The following THSD7A variants were observed in gnomAD, a reference collection of about 807,000 sequenced individuals.
THSD7A encodes thrombospondin type 1 domain containing 7A.
In THSD7A, 96 loss-of-function variants were observed where a neutral mutation model predicts 231.3. That is an observed-to-expected ratio of 0.41 (90% confidence interval 0.35 to 0.49). The LOEUF (loss-of-function observed/expected upper bound fraction) is 0.49, where lower values mean the gene tolerates loss of function less well. Ranked by LOEUF, THSD7A falls within the 20% of genes least tolerant of loss-of-function variation. THSD7A has a pLI of 0.05. For missense variants in THSD7A, 2,290 were observed against 2,070.2 expected (o/e 1.11, Z -2.06); for synonymous variants, 940 against 743.3 (o/e 1.26, Z -4.30).
chr7:11,550,401 C>A (rs1789577836), intron 4 of THSD7A, among the ~76,000 whole-genome samples: 2 of 151,928 alleles, frequency 1.3e-5, no homozygotes, highest in East Asian at 3.9e-4. Flanking sequence ...TTCTGTGTCC[C>A]CACCCAAATC....
intron 17 of THSD7A, among the ~76,000 whole-genome samples, chr7:11,414,911 C>CTGAT (rs1268780504): frequency 3.3e-5 from 5 of 152,214 alleles, no homozygotes; most frequent in South Asian, 4.1e-4. Flanking sequence ...AACACCGTTA[C>CTGAT]TGATAGACAG....
chr7:11,701,427 T>G (rs1176716331), intron 1 of THSD7A, among the ~76,000 whole-genome samples: 2 of 151,274 alleles, frequency 1.3e-5, no homozygotes, highest in African/African-American at 4.8e-5. Context: ...ATCCTTGAAT[T>G]TTTGTGTACC....
At chr7:11,823,522 T>C (rs968640183) in intron 1 of THSD7A, among the ~76,000 whole-genome samples, 8 of 152,146 alleles carry the variant, frequency 5.3e-5, no homozygotes, top group East Asian at 1.9e-4. Flanking sequence ...AGAGATTGCA[T>C]TGAATCTGTA....
At chr7:11,420,016 G>A (rs1426492001) in intron 16 of THSD7A, among the ~76,000 whole-genome samples, 1 of 152,066 alleles carries the variant, frequency 6.6e-6, no homozygotes, top group African/African-American at 2.4e-5. Flanking sequence ...TAGCTTATTT[G>A]GATAAACAAG....
At chr7:11,671,593 T>C (rs528666944) in intron 1 of THSD7A, among the ~76,000 whole-genome samples, 1 of 152,170 alleles carries the variant, frequency 6.6e-6, no homozygotes, top group South Asian at 2.1e-4. Context: ...CATAAAATAA[T>C]CTTTGTTGTT....
chr7:11,751,011 C>T (rs1191587231), intron 1 of THSD7A: 2 of 151,960 alleles, frequency 1.3e-5, no homozygotes, highest in Non-Finnish European at 2.9e-5. Flanking sequence ...GGTCTGCATC[C>T]CACCACATAA....
chr7:11,507,174 G>C (rs1787580312), intron 6 of THSD7A, among the ~76,000 whole-genome samples: 1 of 152,196 alleles, frequency 6.6e-6, no homozygotes, highest in Non-Finnish European at 1.5e-5. Context: ...GAGCAATTTA[G>C]AAGAGCTCGA....
At chr7:11,724,074 T>C (rs755550820) in intron 1 of THSD7A, among the ~76,000 whole-genome samples, 6 of 151,912 alleles carry the variant, frequency 3.9e-5, no homozygotes, top group Admixed American at 2.6e-4. Context: ...GGTGATTAGT[T>C]GTGTGATTGG....
intron 1 of THSD7A, among the ~76,000 whole-genome samples, chr7:11,756,157 T>C (rs1013483291): frequency 2.0e-5 from 3 of 152,150 alleles, no homozygotes; most frequent in Admixed American, 2.0e-4. Flanking sequence ...TTTCTCTTTC[T>C]GTCCCTTCCA....
intron 1 of THSD7A, among the ~76,000 whole-genome samples, chr7:11,808,956 T>C (rs1025399663): frequency 2.6e-5 from 4 of 152,116 alleles, no homozygotes; most frequent in Non-Finnish European, 5.9e-5. Context: ...ATACATACCA[T>C]TAAAATATAT....
chr7:11,655,543 G>T (rs1782671725), intron 1 of THSD7A, among the ~76,000 whole-genome samples: 1 of 151,746 alleles, frequency 6.6e-6, no homozygotes, highest in Non-Finnish European at 1.5e-5. Context: ...TAAGACTCTT[G>T]TCTTAACATT....
chr7:11,376,026 G>C, intron 27 of THSD7A, 148 bp from the exon 28 acceptor site: 1 of 666,458 alleles, frequency 1.5e-6, no homozygotes, highest in South Asian at 1.9e-5. Context: ...CTTAGAATTT[G>C]ATTTTCTGAT....
chr7:11,437,087 G>C (rs1784656856), intron 13 of THSD7A, among the ~76,000 whole-genome samples: 1 of 152,082 alleles, frequency 6.6e-6, no homozygotes, highest in African/African-American at 2.4e-5. Flanking sequence ...CTGAAGGAAA[G>C]CCAAATAAGG....
At chr7:11,715,467 A>G (rs1420244325) in intron 1 of THSD7A, among the ~76,000 whole-genome samples, 1 of 151,558 alleles carries the variant, frequency 6.6e-6, no homozygotes, top group Non-Finnish European at 1.5e-5. Context: ...TTAACTGCTA[A>G]CAAGTGTTTA....
At chr7:11,456,819 G>A (rs1443716418) in intron 11 of THSD7A, among the ~76,000 whole-genome samples, 2 of 151,958 alleles carry the variant, frequency 1.3e-5, no homozygotes, top group African/African-American at 4.8e-5. Flanking sequence ...TAGCTCACAG[G>A]CCATATAGTT....
chr7:11,447,193 T>C, intron 12 of THSD7A, 37 bp downstream of exon 12: 1 of 1,596,646 alleles, frequency 6.3e-7, no homozygotes, highest in Non-Finnish European at 8.6e-7. Flanking sequence ...TCCTCTACTT[T>C]GACGTGTACT....
intron 2 of THSD7A, among the ~76,000 whole-genome samples, chr7:11,629,733 C>T (rs1781587410): frequency 6.6e-6 from 1 of 152,180 alleles, no homozygotes; most frequent in Non-Finnish European, 1.5e-5. Flanking sequence ...CATAGAAATT[C>T]ACCCTGATGT....
chr7:11,745,533 G>A (rs76835918), intron 1 of THSD7A, among the ~76,000 whole-genome samples: 48,187 of 151,908 alleles, frequency 0.32, 9,242 homozygotes, highest in Admixed American at 0.42. Context: ...CCTATTTCCT[G>A]AATGGTATTG....
intron 1 of THSD7A, among the ~76,000 whole-genome samples, chr7:11,790,744 C>T (rs1275890254): frequency 6.6e-6 from 1 of 151,850 alleles, no homozygotes; most frequent in South Asian, 2.1e-4. Flanking sequence ...TATGTAAATG[C>T]CACACATAAA....
Sources: allele counts gnomAD v4.1 joint callset (sites outside exome capture counted in the v4.1 genomes callset), GRCh38; gene constraint gnomAD v4.1.1; transcripts MANE v1.5; gene names NCBI Gene and HGNC (gene_info 2026-07-23, HGNC 2026-07-21).